SAMD9: variants seen among roughly 807,000 people sequenced by gnomAD.
SAMD9 encodes the protein sterile alpha motif domain containing 9.
In SAMD9, 3 loss-of-function variants were observed where a neutral mutation model predicts 1.5. That is an observed-to-expected ratio of 2.05 (90% CI 0.93 to 5.29). The LOEUF is 5.29. SAMD9 is among the 30% of genes most tolerant of loss of function. The pLI is 0.02. For synonymous variants in SAMD9, 635 were observed against 631.9 expected, an observed-to-expected ratio of 1.00 and a Z score of -0.07; for missense variants, 1,597 against 1,820.8, an observed-to-expected ratio of 0.88 and a Z score of 2.24.
At chr7:93,110,758 C>A (rs557610365) in intron 2 of SAMD9, among the ~76,000 whole-genome samples, 7 of 152,214 alleles carry the variant, frequency 4.6e-5, no homozygotes, top group East Asian at 3.9e-4. Flanking sequence ...AGAGCTAACT[C>A]TCCTAAATAT....
rs139583166 is a variant in SAMD9, at chr7:93,105,230, C to T, written c.868G>A (p.Val290Met). The change falls in exon 3 of 3, where the codon GTG (valine) becomes ATG (methionine). Residue 290 changes from valine to methionine, a missense_variant. Transcript: ENST00000379958. ...GTACTATTTGGCAGTAAAACTTCCA[C>T]AAATCTTGGCTCTCGAATGCACTTC... is the stretch of plus-strand genomic sequence containing the variant. Reference protein sequence around the residue: ...AKKCIREPRFVEVLLPNSTLS... With the variant: ...AKKCIREPRFMEVLLPNSTLS... 3 of 1,613,924 alleles carry T rather than the reference C, an allele frequency of 1.9e-6. No individual in the cohort carries two copies. The highest frequency in any genetic ancestry group is 2.2e-5 in the East Asian group (1 of 44,842).
At chr7:93,109,215 C>T (rs1402237566) in intron 2 of SAMD9, among the ~76,000 whole-genome samples, 1 of 152,180 alleles carries the variant, frequency 6.6e-6, no homozygotes, top group Admixed American at 6.5e-5. Context: ...CCAGCAAACT[C>T]CAACAGACCT....
intron 1 of SAMD9, among the ~76,000 whole-genome samples, chr7:93,117,473 T>G (rs1791851359): frequency 6.6e-6 from 1 of 151,934 alleles, no homozygotes; most frequent in Non-Finnish European, 1.5e-5. Flanking sequence ...TCTTGCTAGG[T>G]AGGGTCTTGC....
rs756459368 is a variant in SAMD9 at position 93,103,347 on chromosome 7, G to C, written c.2751C>G (p.Leu917=). 2.5e-6 allele frequency: 4 copies of C among 1,613,476 alleles called. No homozygotes were observed. The Admixed American group carries it at 5.0e-5, about 20-fold the overall frequency. ...GQNIFTKEAK[L]FSFLALLNSY... is the part of the protein sequence containing the mutation. The stretch of plus-strand genomic sequence containing the variant: ...AATTAAGAAGAGCCAGAAAAGAAAA[G>C]AGCTTTGCTTCCTTGGTGAAAATAT... The change falls in exon 3 of 3, where the codon CTC becomes CTG. Residue 917 remains leucine (L), a synonymous_variant. Transcript: ENST00000379958.
At chr7:93,117,145 A>G (rs537043481) in intron 1 of SAMD9, among the ~76,000 whole-genome samples, 1 of 152,292 alleles carries the variant, frequency 6.6e-6, no homozygotes, top group East Asian at 1.9e-4. Context: ...AAGCTCTCAG[A>G]GAGTTTTGTT....
Position 93,100,845 on chromosome 7 carries a change from A to T in SAMD9, c.*483T>A, listed in dbSNP as rs1256363793. The T allele has an allele frequency of 5.9e-6, 1 of 170,846 alleles. No individual in the cohort carries two copies. The highest frequency in any genetic ancestry group is 1.3e-5 in the Non-Finnish European group (1 of 78,876). 10.6% of individuals were successfully genotyped at this position (170,846 alleles called of 1,614,324 possible). A position where few individuals can be genotyped will look rare whatever the true frequency, so the allele number is the denominator to read the frequency against. ...ACTGGTTGGTCCTCTGTTTTGGAAGATCCTTGAGTGCCAAGCACATGATAC... is the reference window on the plus strand; with the variant it reads ...ACTGGTTGGTCCTCTGTTTTGGAAGTTCCTTGAGTGCCAAGCACATGATAC... On this transcript the variant is annotated 3_prime_UTR_variant, in exon 3 of 3. Coordinates refer to ENST00000379958, the MANE Select transcript of SAMD9 (RefSeq NM_017654.4).
At chr7:93,111,547 G>T (rs571531264) in intron 2 of SAMD9, among the ~76,000 whole-genome samples, 2 of 151,912 alleles carry the variant, frequency 1.3e-5, no homozygotes, top group Non-Finnish European at 2.9e-5. Context: ...TCAACAAAAT[G>T]GATAGACTGC....
At chr7:93,117,707 C>T (rs1401865713) in intron 1 of SAMD9, among the ~76,000 whole-genome samples, 156 bp downstream of exon 1, 11 of 152,152 alleles carry the variant, frequency 7.2e-5, no homozygotes, top group Admixed American at 6.5e-4. Context: ...AGACTGCTGT[C>T]AGAGCAACAA....
At chr7:93,111,049 G>T (rs1445924465) in intron 2 of SAMD9, among the ~76,000 whole-genome samples, 2 of 152,010 alleles carry the variant, frequency 1.3e-5, no homozygotes, top group Non-Finnish European at 2.9e-5. Flanking sequence ...TGACCACATA[G>T]TTGGAAGTAA....
rs963032905 is a variant in SAMD9 at position 93,100,092 on chromosome 7, A to G, written c.*1236T>C. The G allele has an allele frequency of 2.6e-5, 4 of 152,234 alleles. No homozygotes were observed. The East Asian group carries it at 7.7e-4, about 29-fold the overall frequency. 9.4% of individuals were successfully genotyped at this position (152,234 alleles called of 1,614,324 possible). A position where few individuals can be genotyped will look rare whatever the true frequency, so the allele number is the denominator to read the frequency against. On this transcript the variant is annotated 3_prime_UTR_variant, in exon 3 of 3. Transcript: ENST00000379958. ...TCCCTTATAATGTATAGATTCCCCAACATTTTTTTGGTCCTTTGCAATTTC... is the reference window on the plus strand; with the variant it reads ...TCCCTTATAATGTATAGATTCCCCAGCATTTTTTTGGTCCTTTGCAATTTC...
rs765833713 is a variant in SAMD9, at chr7:93,101,522, G to A, written c.4576C>T (p.Leu1526Phe). The stretch of plus-strand genomic sequence containing the variant: ...GCTCGACCTTGTAAACGAAGCAAAA[G>A]TTCTTGGACTTTTTCCTCCTTCCAC... ...DVWKEEKVQE[L>F]LLRLQGRAEN... Residue 1526 changes from leucine (L) to phenylalanine (F), a missense_variant, in exon 3 of 3, where the codon CTT becomes TTT. Transcript: ENST00000379958. 6.2e-7 allele frequency: 1 copy of A among 1,613,732 alleles called. No homozygotes were observed. The highest frequency in any genetic ancestry group is 8.5e-7 in the Non-Finnish European group (1 of 1,179,748).
At chr7:93,112,102 C>A (rs191456041) in intron 2 of SAMD9, among the ~76,000 whole-genome samples, 2 of 152,190 alleles carry the variant, frequency 1.3e-5, no homozygotes. Context: ...AAAAGCTTAT[C>A]CTCCATGATC....
chr7:93,101,786 A>G lies in SAMD9; in HGVS notation c.4312T>C (p.Leu1438=). The change falls in exon 3 of 3, where the codon TTA becomes CTA. Residue 1438 remains leucine, a synonymous_variant. Coordinates refer to ENST00000379958, the MANE Select transcript of SAMD9 (RefSeq NM_017654.4). The stretch of plus-strand genomic sequence containing the variant: ...AGTTGTTGATTTTCTGGCCAGAATA[A>G]GAGGGAAGCTAGAAAATACGGTTCT... ...FSEPYFLASL[L]FWPENQQLDQ... The G allele has an allele frequency of 6.2e-7, 1 of 1,613,858 alleles. No homozygotes were observed.
intron 1 of SAMD9, among the ~76,000 whole-genome samples, chr7:93,115,741 TAA>T (rs1791822741): frequency 6.6e-6 from 1 of 152,188 alleles, no homozygotes; most frequent in African/African-American, 2.4e-5. Context: ...GATACTTGCA[TAA>T]AAAAGATGAT....
At position 93,102,309 on chromosome 7, in the gene SAMD9, A is replaced by G. The variant is rs138499205; in HGVS notation, c.3789T>C (p.Ser1263=). Residue 1263 remains serine (S), a synonymous_variant, in exon 3 of 3, where the codon TCT becomes TCC. Transcript: ENST00000379958. ...YIPYLTKLKF[S]LKKSFDFFDE... ...CAAAAAAATCAAAGGACTTTTTCAA[A>G]GAAAATTTCAATTTAGTTAAATAAG... The G allele has an allele frequency of 1.2e-6, 2 of 1,610,534 alleles. No individual in the cohort carries two copies. Among genetic ancestry groups the G allele is most frequent in the African/African-American group, 2.7e-5 (2 of 74,942 alleles).
Position 93,101,223 on chromosome 7 carries a change from C to A in SAMD9, c.*105G>T. The A allele has an allele frequency of 2.4e-6, 2 of 837,974 alleles. No individual in the cohort carries two copies. Among genetic ancestry groups the A allele is most frequent in the South Asian group, 2.7e-5 (2 of 74,688 alleles). The allele number at this position is 837,974 out of a possible 1,614,324, so 51.9% of individuals were successfully genotyped here. A position where few individuals can be genotyped will look rare whatever the true frequency, so the allele number is the denominator to read the frequency against. On this transcript the variant is annotated 3_prime_UTR_variant, in exon 3 of 3. Coordinates refer to ENST00000379958, the MANE Select transcript of SAMD9 (RefSeq NM_017654.4). The stretch of plus-strand genomic sequence containing the variant: ...ATACTGCATGTACAGATCTGAAGAG[C>A]TAGAGGCTGTATCTATAACCTTGCC...
At position 93,105,315 on chromosome 7, in the gene SAMD9, A is replaced by G. The variant is rs1251654911; in HGVS notation, c.783T>C (p.Ile261=). 1 of 1,613,808 alleles carries G rather than the reference A, an allele frequency of 6.2e-7. No individual in the cohort carries two copies. Among genetic ancestry groups the G allele is most frequent in the African/African-American group, 1.3e-5 (1 of 74,874 alleles). ...KVTNDTKEAL[I]NHFNLMINKY... is the part of the protein sequence containing the mutation. ...TGTTTATCATCAGATTGAAATGGTTAATGAGGGCTTCCTTGGTATCATTGG... is the reference window on the plus strand; with the variant it reads ...TGTTTATCATCAGATTGAAATGGTTGATGAGGGCTTCCTTGGTATCATTGG... The change falls in exon 3 of 3, where the codon ATT becomes ATC. Residue 261 remains isoleucine (I), a synonymous_variant. Coordinates refer to ENST00000379958, the MANE Select transcript of SAMD9 (RefSeq NM_017654.4).
At chr7:93,110,258 G>A (rs915697890) in intron 2 of SAMD9, among the ~76,000 whole-genome samples, 12 of 152,138 alleles carry the variant, frequency 7.9e-5, no homozygotes, top group African/African-American at 2.7e-4. Context: ...AGCAAATGCC[G>A]AGAAATTTTG....
Position 93,105,524 on chromosome 7 carries a change from C to T in SAMD9, c.574G>A (p.Asp192Asn), listed in dbSNP as rs1462029800. ...QPETGPGNLI[D>N]PIHEFKAFTN... ...AAGGCTTTGAATTCATGTATCGGAT[C>T]AATGAGATTGCCTGGTCCTGTTTCA... The change falls in exon 3 of 3, where the codon GAT becomes AAT. Residue 192 changes from aspartate (D) to asparagine (N), a missense_variant. By Grantham distance (23) the Asp-to-Asn change is conservative. Coordinates refer to ENST00000379958, the MANE Select transcript of SAMD9 (RefSeq NM_017654.4). 6.2e-7 allele frequency: 1 copy of T among 1,614,058 alleles called. No homozygotes were observed. The highest frequency in any genetic ancestry group is 1.7e-5 in the Admixed American group (1 of 60,008).
Sources: gnomAD v4.1 joint callset for allele counts (sites outside exome capture counted in the v4.1 genomes callset) on GRCh38, gnomAD v4.1.1 for gene constraint, MANE v1.5 for transcripts, NCBI Gene and HGNC (gene_info 2026-07-23, HGNC 2026-07-21) for gene names.